The following THSD7B variants were observed in gnomAD, a reference collection of about 807,000 sequenced individuals.
THSD7B encodes thrombospondin type-1 domain-containing protein 7B.
Under a neutral mutation model 213.6 loss-of-function variants are expected in THSD7B, and 138 were observed. That is an observed-to-expected ratio of 0.65 (90% CI 0.56 to 0.74). THSD7B has a LOEUF of 0.74. Among genes scored for constraint, THSD7B ranks in the 30% least tolerant of loss-of-function variants. THSD7B has a pLI of 0.00. For missense variants in THSD7B, 1,931 were observed against 1,991.5 expected (o/e 0.97, Z 0.58); for synonymous variants, 742 against 687.0 (o/e 1.08, Z -1.25).
At chr2:137,582,713 C>A (rs1681608772) in intron 17 of THSD7B, among the ~76,000 whole-genome samples, 1 of 152,120 alleles carries the variant, frequency 6.6e-6, no homozygotes, top group African/African-American at 2.4e-5. Context: ...TGTATATGTG[C>A]CACATTTTCT....
At chr2:137,079,603 TACGA>T (rs111708852) in intron 3 of THSD7B, among the ~76,000 whole-genome samples, 1,823 of 152,296 alleles carry the variant, frequency 0.012, 22 homozygotes, top group Middle Eastern at 0.024. Context: ...TTGAAACCAC[TACGA>T]TATGTGTGTC....
intron 2 of THSD7B, among the ~76,000 whole-genome samples, chr2:137,029,503 T>C (rs934521178): frequency 3.3e-5 from 5 of 152,190 alleles, no homozygotes; most frequent in Non-Finnish European, 5.9e-5. Flanking sequence ...ATAGTCTATC[T>C]TAAAACATTC....
chr2:137,232,813 G>GTC (rs1341193392), intron 8 of THSD7B, 86 bp from the exon 9 acceptor site: 8 of 1,265,446 alleles, frequency 6.3e-6, no homozygotes, highest in Non-Finnish European at 7.8e-6. Context: ...CAGCAAAGCT[G>GTC]TCTCTCTAGA....
At chr2:137,505,136 T>A (rs1679805833) in intron 15 of THSD7B, among the ~76,000 whole-genome samples, 2 of 152,234 alleles carry the variant, frequency 1.3e-5, no homozygotes, top group Admixed American at 6.5e-5. Flanking sequence ...CCAATTTGCC[T>A]GTCCCACATT....
chr2:137,359,325 T>C (rs1685202203), intron 12 of THSD7B, among the ~76,000 whole-genome samples: 1 of 152,110 alleles, frequency 6.6e-6, no homozygotes, highest in Non-Finnish European at 1.5e-5. Context: ...ATTTGAAAAA[T>C]AGACCTGGTG....
chr2:137,153,173 C>T (rs1679850309), intron 5 of THSD7B, among the ~76,000 whole-genome samples: 1 of 152,026 alleles, frequency 6.6e-6, no homozygotes. Flanking sequence ...TGGCTATTGA[C>T]TTTGATTTCT....
chr2:137,029,030 C>G (rs750590000), intron 2 of THSD7B, among the ~76,000 whole-genome samples: 9 of 147,740 alleles, frequency 6.1e-5, no homozygotes, highest in Non-Finnish European at 1.0e-4. Context: ...CAATATTCAC[C>G]TATTTTGTTA....
intron 14 of THSD7B, among the ~76,000 whole-genome samples, chr2:137,427,454 G>T (rs1472256707): frequency 6.6e-6 from 1 of 151,740 alleles, no homozygotes; most frequent in African/African-American, 2.4e-5. Context: ...GGTGTGTGGG[G>T]TATGTGCTTG....
At chr2:137,010,237 G>A (rs151274243) in intron 2 of THSD7B, among the ~76,000 whole-genome samples, 1 of 152,310 alleles carries the variant, frequency 6.6e-6, no homozygotes, top group East Asian at 1.9e-4. Flanking sequence ...GAAGAAACTA[G>A]ATATTGGCAC....
intron 17 of THSD7B, among the ~76,000 whole-genome samples, chr2:137,585,372 C>G (rs1341656579): frequency 1.3e-5 from 2 of 151,920 alleles, no homozygotes; most frequent in Non-Finnish European, 2.9e-5. Context: ...TATTTCTTGC[C>G]TTCTGCTAGC....
intron 15 of THSD7B, among the ~76,000 whole-genome samples, chr2:137,467,751 T>C (rs372429133): frequency 4.6e-5 from 7 of 152,194 alleles, no homozygotes; most frequent in African/African-American, 1.7e-4. Flanking sequence ...TCTATGAGGA[T>C]GCAAGTTGCA....
chr2:137,481,991 T>A (rs1172052238), intron 15 of THSD7B, among the ~76,000 whole-genome samples: 1 of 152,006 alleles, frequency 6.6e-6, no homozygotes, highest in Non-Finnish European at 1.5e-5. Context: ...TCCCGGCTAA[T>A]ACGGTGAAAC....
Position 137,147,980 on chromosome 2 carries a change from A to G in THSD7B, c.1370-12233A>G, listed in dbSNP as rs1679736462. ...AGAAGAAAGAATTTGTGCTACTTAC[A>G]TTATAGTGATGTTAGGTGCTTGATA... On this transcript the variant is annotated intron_variant, in intron 5 of 27. Coordinates refer to ENST00000409968, the MANE Select transcript of THSD7B (RefSeq NM_001316349.2). 2.0e-5 allele frequency among the ~76,000 whole-genome samples: 3 copies of G among 152,082 alleles called. No individual in the cohort carries two copies. In the South Asian group the frequency reaches 6.2e-4, roughly 32 times the overall value.
Position 137,213,042 on chromosome 2 carries a change from A to T in THSD7B, c.1724-18002A>T, listed in dbSNP as rs866480611. ...GATATCTGTATGCTAAAAAAAAAAA[A>T]AAAAAGGTTATACAGAAACGTTGTC... On this transcript the variant is annotated intron_variant, in intron 7 of 27. Coordinates refer to ENST00000409968, the MANE Select transcript of THSD7B (RefSeq NM_001316349.2). Among the ~76,000 whole-genome samples the T allele has an allele frequency of 2.4e-3, 365 of 151,756 alleles. 4 individuals are homozygous for T. Among genetic ancestry groups the T allele is most frequent in the African/African-American group, 8.5e-3 (352 of 41,432 alleles).
At chr2:137,115,403 A>C (rs1688430277) in intron 5 of THSD7B, 110 bp downstream of exon 5, 3 of 1,225,174 alleles carry the variant, frequency 2.4e-6, no homozygotes, top group Middle Eastern at 2.8e-4. Context: ...TCACACATTT[A>C]ATATTTATTT....
At chr2:136,973,537 T>C (rs547141090) in intron 2 of THSD7B, among the ~76,000 whole-genome samples, 1 of 152,312 alleles carries the variant, frequency 6.6e-6, no homozygotes, top group East Asian at 1.9e-4. Flanking sequence ...TCAAAAATTA[T>C]TTGTGAAAAT....
At chr2:137,047,118 A>G (rs1297067090) in intron 2 of THSD7B, among the ~76,000 whole-genome samples, 5 of 152,166 alleles carry the variant, frequency 3.3e-5, no homozygotes, top group African/African-American at 1.2e-4. Flanking sequence ...GGGGTGCAGC[A>G]GTGGATTCTT....
intron 2 of THSD7B, among the ~76,000 whole-genome samples, chr2:137,040,455 G>A (rs553813889): frequency 1.3e-4 from 19 of 150,400 alleles, no homozygotes; most frequent in East Asian, 5.9e-4. Context: ...GTGCAATGGC[G>A]CAATCTTGGC....
At chr2:137,661,328 C>G (rs796874631) in intron 25 of THSD7B, among the ~76,000 whole-genome samples, 1 of 152,032 alleles carries the variant, frequency 6.6e-6, no homozygotes, top group East Asian at 1.9e-4. Flanking sequence ...TGTCACAATG[C>G]CAACTAGAGA....
Sources: gnomAD v4.1 joint callset for allele counts (sites outside exome capture counted in the v4.1 genomes callset) on GRCh38, gnomAD v4.1.1 for gene constraint, MANE v1.5 for transcripts, NCBI Gene and HGNC (gene_info 2026-07-23, HGNC 2026-07-21) for gene names.